SULT6B1: variants seen among roughly 807,000 people sequenced by gnomAD.
SULT6B1 encodes the protein sulfotransferase family 6B member 1.
A neutral mutation model predicts 37.2 loss-of-function variants in SULT6B1; 44 were observed. That is an observed-to-expected ratio of 1.18 (90% CI 0.93 to 1.52). The LOEUF (loss-of-function observed/expected upper bound fraction) is 1.52. SULT6B1 is among the 40% of genes most tolerant of loss of function. The pLI is 0.00. For missense variants in SULT6B1, 450 were observed against 361.0 expected (o/e 1.25, Z -2.00); for synonymous variants, 140 against 126.0 (o/e 1.11, Z -0.74).
chr2:37,175,061 A>G (rs1350499707), intron 5 of SULT6B1, 71 bp downstream of exon 5: 12 of 824,018 alleles, frequency 1.5e-5, no homozygotes, highest in African/African-American at 8.7e-5. Context: ...ATACAAACAG[A>G]CATTATAAGT....
rs200087048 is a variant in SULT6B1 at position 37,185,717 on chromosome 2, C to CAA, written c.312+1636_312+1637dup. On this transcript the variant is annotated intron_variant, in intron 2 of 6. Coordinates refer to ENST00000535679, the MANE Select transcript of SULT6B1 (RefSeq NM_001367551.1). ...TGGGTGACAGAGTGAGACTCCATTT[C>CAA]AAAAAAAAAAAAAAAAAAAACAGAG... 2.5e-3 allele frequency among the ~76,000 whole-genome samples: 205 copies of CAA among 83,310 alleles called. 1 individual carries two copies. The highest frequency in any genetic ancestry group is 5.2e-3 in the African/African-American group (106 of 20,528). The allele number at this position is 83,310 out of a possible 152,430, so 54.7% of individuals were successfully genotyped here. A position where few individuals can be genotyped will look rare whatever the true frequency, so the allele number is the denominator to read the frequency against.
chr2:37,182,975 A>C (rs1036520200), intron 3 of SULT6B1, among the ~76,000 whole-genome samples: 13 of 152,170 alleles, frequency 8.5e-5, no homozygotes, highest in Non-Finnish European at 1.6e-4. Context: ...TCTTGAAGTC[A>C]GGAGTTCGAG....
intron 4 of SULT6B1, among the ~76,000 whole-genome samples, chr2:37,176,306 C>T (rs1572458077): frequency 6.7e-6 from 1 of 149,066 alleles, no homozygotes; most frequent in South Asian, 2.2e-4. Context: ...TCTGTCACCC[C>T]GGCTGGAGTG....
intron 1 of SULT6B1, chr2:37,194,630 G>T: frequency 3.0e-6 from 1 of 337,910 alleles, no homozygotes; most frequent in Non-Finnish European, 5.8e-6. Context: ...GCTTCTTGAA[G>T]CCCACTCTGT....
upstream of SULT6B1, among the ~76,000 whole-genome samples, chr2:37,193,646 A>AAGAAGAAGAAGAAGG (rs1558454991): frequency 1.4e-5 from 2 of 142,028 alleles, no homozygotes; most frequent in Non-Finnish European, 3.1e-5. Flanking sequence ...GAAGAAGAAG[A>AAGAAGAAGAAGAAGG]AGAAGGAGAA....
chr2:37,183,682 C>G (rs776716497), intron 2 of SULT6B1, among the ~76,000 whole-genome samples, 168 bp from the exon 3 acceptor site: 1 of 152,186 alleles, frequency 6.6e-6, no homozygotes. Context: ...CTCACTCTGT[C>G]GCCCAGGCTG....
intron 3 of SULT6B1, among the ~76,000 whole-genome samples, chr2:37,179,815 A>T: frequency 6.6e-6 from 1 of 152,236 alleles, no homozygotes. Context: ...ATTCTTGCAA[A>T]TGAATTTAGG....
chr2:37,184,773 G>A (rs888451484), intron 2 of SULT6B1, among the ~76,000 whole-genome samples: 8 of 151,940 alleles, frequency 5.3e-5, no homozygotes, highest in Non-Finnish European at 8.8e-5. Context: ...CGGATGTTGC[G>A]GTGAGCTGAG....
At chr2:37,170,409 G>C (rs182781942) in intron 6 of SULT6B1, among the ~76,000 whole-genome samples, 8 of 152,126 alleles carry the variant, frequency 5.3e-5, no homozygotes, top group Admixed American at 5.2e-4. Flanking sequence ...GGAGGTTGCC[G>C]TGAGCCGAGA....
At chr2:37,184,918 A>T (rs1676639250) in intron 2 of SULT6B1, among the ~76,000 whole-genome samples, 1 of 152,220 alleles carries the variant, frequency 6.6e-6, no homozygotes, top group Non-Finnish European at 1.5e-5. Context: ...ACGCACTTTA[A>T]ATCAATGATA....
chr2:37,172,911 G>A (rs566038919), intron 5 of SULT6B1, among the ~76,000 whole-genome samples: 77 of 151,410 alleles, frequency 5.1e-4, no homozygotes, highest in African/African-American at 1.4e-3. Flanking sequence ...GGAGTGCAAT[G>A]GCACAATATC....
At chr2:37,169,947 G>T (rs891352068) in intron 6 of SULT6B1, among the ~76,000 whole-genome samples, 3 of 152,058 alleles carry the variant, frequency 2.0e-5, no homozygotes, top group Non-Finnish European at 2.9e-5. Flanking sequence ...AATAACACTG[G>T]CAATCCTTAA....
intron 2 of SULT6B1, 67 bp from the exon 3 acceptor site, chr2:37,183,581 C>T (rs1676603264): frequency 1.6e-6 from 2 of 1,221,852 alleles, no homozygotes; most frequent in Non-Finnish European, 2.4e-6. Flanking sequence ...TGTTGAATCA[C>T]TCCTAGGTTT....
chr2:37,194,611 G>T, intron 1 of SULT6B1: 1 of 356,358 alleles, frequency 2.8e-6, no homozygotes, highest in South Asian at 2.4e-5. Context: ...TTGAGTGCCT[G>T]AGGGACATGC....
intron 4 of SULT6B1, among the ~76,000 whole-genome samples, chr2:37,176,840 AAG>A (rs1411176322): frequency 6.6e-6 from 1 of 152,172 alleles, no homozygotes; most frequent in Non-Finnish European, 1.5e-5. Flanking sequence ...AGACACAAAC[AAG>A]AGTCTGCTGG....
At chr2:37,194,588 T>C (rs1470505838) in intron 1 of SULT6B1, 2 of 372,256 alleles carry the variant, frequency 5.4e-6, no homozygotes, top group Admixed American at 3.2e-5. Context: ...CATTGCAAAA[T>C]TTCCGGATCT....
chr2:37,178,426 G>C (rs2148290884), intron 4 of SULT6B1, among the ~76,000 whole-genome samples: 1 of 152,148 alleles, frequency 6.6e-6, no homozygotes, highest in African/African-American at 2.4e-5. Context: ...AGCAGAGACG[G>C]GGTTTTGCCA....
chr2:37,169,472 G>A (rs927760471), intron 6 of SULT6B1, among the ~76,000 whole-genome samples: 2 of 151,888 alleles, frequency 1.3e-5, no homozygotes, highest in Non-Finnish European at 2.9e-5. Context: ...TGGTTTGTTT[G>A]TTTTTGTTTT....
intron 5 of SULT6B1, among the ~76,000 whole-genome samples, chr2:37,172,602 G>A (rs1676328771): frequency 6.6e-6 from 1 of 151,944 alleles, no homozygotes; most frequent in South Asian, 2.1e-4. Flanking sequence ...CCACCTCCAG[G>A]GTTCCAGCAA....
Sources: allele counts gnomAD v4.1 joint callset (sites outside exome capture counted in the v4.1 genomes callset), GRCh38; gene constraint gnomAD v4.1.1; transcripts MANE v1.5; gene names NCBI Gene and HGNC (gene_info 2026-07-23, HGNC 2026-07-21).